Variants in DCLK1 observed in about 807,000 individuals in gnomAD.
The protein encoded by DCLK1 is doublecortin like kinase 1, also known as serine/threonine-protein kinase DCLK1.
DCLK1 carries 16 observed loss-of-function variants against 86.2 expected under a neutral mutation model. The ratio of observed to expected loss-of-function variants is 0.19; its 90% CI spans 0.13 to 0.28. DCLK1 has a LOEUF of 0.28. DCLK1 is among the 10% of genes least tolerant of loss of function. The pLI, the probability that DCLK1 is intolerant of heterozygous loss-of-function variation, is 1.00. For missense variants in DCLK1, 590 were observed against 940.2 expected, an observed-to-expected ratio of 0.63 and a Z score of 4.87; for synonymous variants, 369 against 370.5, an observed-to-expected ratio of 1.00 and a Z score of 0.05.
chr13:36,120,689 G>T (rs142193160), intron 2 of DCLK1, among the ~76,000 whole-genome samples: 2 of 152,076 alleles, frequency 1.3e-5, no homozygotes, highest in African/African-American at 4.8e-5. Flanking sequence ...ACCCTAACCT[G>T]ATAGGAAAAT....
In DCLK1 at chr13:35,847,283, T is replaced by C. The variant is rs1158175194; in HGVS notation, c.1035+7216A>G. 4.1e-6 allele frequency: 4 copies of C among 985,148 alleles called. No individual in the cohort carries two copies. In the African/African-American group the frequency reaches 7.0e-5, roughly 17 times the overall value. The allele number at this position is 985,148 out of a possible 1,614,324, so 61.0% of individuals were successfully genotyped here. On this transcript the variant is annotated intron_variant, in intron 6 of 16. Transcript: ENST00000360631. Reference sequence around the variant, plus strand: ...AGCAAACTGCTTTTTAATTTAAACATGCCCCAACTAATATGTCACAGAGTA... The same window carrying C: ...AGCAAACTGCTTTTTAATTTAAACACGCCCCAACTAATATGTCACAGAGTA...
chr13:36,113,479 A>T (rs1885681086), intron 2 of DCLK1, among the ~76,000 whole-genome samples: 1 of 152,200 alleles, frequency 6.6e-6, no homozygotes. Context: ...CTCAGGATTT[A>T]AGTAAATATC....
At position 36,111,878 on chromosome 13, in the gene DCLK1, A is replaced by G. The variant is rs774453534; in HGVS notation, c.714T>C (p.Asp238=). 4 of 1,610,758 alleles carry G rather than the reference A, an allele frequency of 2.5e-6. No homozygotes were observed. In the East Asian group the frequency reaches 8.9e-5, roughly 36 times the overall value. The change falls in exon 3 of 17, where the codon GAT becomes GAC. Residue 238 remains aspartate (D), a synonymous_variant. Transcript: ENST00000360631. The part of the protein sequence containing the change: ...SGVVKRLYTL[D]GKQVMCLQDF... The stretch of plus-strand genomic sequence containing the variant: ...ACAATATGTCTCTTACCTGTTTCCC[A>G]TCCAACGTGTACAGGCGTTTCACCA...
At chr13:35,865,332 A>G (rs909817956) in intron 5 of DCLK1, among the ~76,000 whole-genome samples, 3 of 152,176 alleles carry the variant, frequency 2.0e-5, no homozygotes, top group Non-Finnish European at 4.4e-5. Context: ...GAAGAATCAA[A>G]CCCATATGAA....
intron 13 of DCLK1, 62 bp downstream of exon 13, chr13:35,808,956 T>G: frequency 6.9e-7 from 1 of 1,457,630 alleles, no homozygotes; most frequent in East Asian, 2.3e-5. Context: ...GAAGGGCTAA[T>G]GGATCACTCA....
chr13:36,126,699 C>G (rs1345989388), intron 1 of DCLK1, among the ~76,000 whole-genome samples: 1 of 152,132 alleles, frequency 6.6e-6, no homozygotes, highest in African/African-American at 2.4e-5. Context: ...ACACAGGCTC[C>G]TCTGCACGCT....
rs1366337792 is a variant in DCLK1, at chr13:35,791,868, CA to C, written c.2058+1497del. 2.6e-5 allele frequency among the ~76,000 whole-genome samples: 4 copies of C among 152,220 alleles called. No homozygotes were observed. In the East Asian group the frequency reaches 7.7e-4, roughly 29 times the overall value. ...GGACAAGCATGCTGGCAGTCCATTC[CA>C]AAAGAAAACTGTGGAATCAAATGTT... On this transcript the variant is annotated intron_variant, in intron 16 of 16. Coordinates refer to ENST00000360631, the MANE Select transcript of DCLK1 (RefSeq NM_001330071.2).
intron 3 of DCLK1, among the ~76,000 whole-genome samples, chr13:36,045,318 A>ATG (rs1190083437): frequency 0.021 from 1,690 of 79,858 alleles, 43 homozygotes; most frequent in African/African-American, 0.046. Flanking sequence ...ATGTCTATAT[A>ATG]TGTGTGTGTG....
At chr13:35,944,345 T>C (rs1877248748) in intron 4 of DCLK1, among the ~76,000 whole-genome samples, 2 of 151,856 alleles carry the variant, frequency 1.3e-5, no homozygotes, top group African/African-American at 4.8e-5. Flanking sequence ...AGGGCAAGAG[T>C]AGTAATTCTG....
At chr13:36,062,350 T>C (rs756624866) in intron 3 of DCLK1, among the ~76,000 whole-genome samples, 2 of 152,152 alleles carry the variant, frequency 1.3e-5, no homozygotes, top group Non-Finnish European at 2.9e-5. Flanking sequence ...CCCTGGAATG[T>C]GCATCATGGG....
chr13:35,786,811 T>C (rs909634583), intron 16 of DCLK1, among the ~76,000 whole-genome samples: 1 of 152,112 alleles, frequency 6.6e-6, no homozygotes, highest in Admixed American at 6.5e-5. Context: ...GCCAATTATG[T>C]AGGTAAATTA....
chr13:35,982,669 G>A (rs942644658), intron 3 of DCLK1, among the ~76,000 whole-genome samples: 7 of 152,138 alleles, frequency 4.6e-5, no homozygotes, highest in South Asian at 4.1e-4. Context: ...ACAATTTTTC[G>A]AAAATCTAAA....
chr13:36,093,270 T>A (rs1884901442), intron 3 of DCLK1, among the ~76,000 whole-genome samples: 1 of 152,202 alleles, frequency 6.6e-6, no homozygotes, highest in Non-Finnish European at 1.5e-5. Flanking sequence ...TCGGTAGGAA[T>A]AAGAAAGTGG....
chr13:35,781,795 CT>C (rs2086530360), intron 16 of DCLK1, among the ~76,000 whole-genome samples: 1 of 152,158 alleles, frequency 6.6e-6, no homozygotes, highest in Admixed American at 6.5e-5. Context: ...CTCAGGAACC[CT>C]TTCTTTTGCT....
At position 35,901,666 on chromosome 13, in the gene DCLK1, G is replaced by T. The variant is rs371965973; in HGVS notation, c.824-30326C>A. Among the ~76,000 whole-genome samples, 116 of 152,060 alleles carry T rather than the reference G, an allele frequency of 7.6e-4. 1 individual carries two copies. The South Asian group carries it at 0.023, about 31-fold the overall frequency. On this transcript the variant is annotated intron_variant, in intron 4 of 16. Transcript: ENST00000360631. ...GTTCTCTTACAGGCCTCCTCTCTTA[G>T]ACCCTGGCCCAGCCTCCTCCACCAG...
At chr13:35,822,929 C>T (rs2087430860) in intron 10 of DCLK1, 54 bp from the exon 11 acceptor site, 1 of 1,599,916 alleles carries the variant, frequency 6.3e-7, no homozygotes, top group Non-Finnish European at 8.5e-7. Context: ...CCAGTGGGGC[C>T]ACCTGCAGAG....
chr13:35,909,929 G>T (rs1348012898), intron 4 of DCLK1, among the ~76,000 whole-genome samples: 1 of 152,092 alleles, frequency 6.6e-6, no homozygotes, highest in African/African-American at 2.4e-5. Flanking sequence ...ATCTTGAAAA[G>T]CTTCTAGCAG....
intron 3 of DCLK1, among the ~76,000 whole-genome samples, chr13:36,031,103 G>C (rs1453086113): frequency 2.0e-5 from 3 of 152,174 alleles, no homozygotes; most frequent in Non-Finnish European, 4.4e-5. Context: ...TCCGTCTCTG[G>C]AGTTTCAGCC....
At chr13:36,056,957 T>C (rs1381212989) in intron 3 of DCLK1, among the ~76,000 whole-genome samples, 1 of 150,466 alleles carries the variant, frequency 6.6e-6, no homozygotes, top group African/African-American at 2.4e-5. Context: ...TCTCCTTTTT[T>C]ACACAAATGG....
Sources: gnomAD v4.1 joint callset for allele counts (sites outside exome capture counted in the v4.1 genomes callset) on GRCh38, gnomAD v4.1.1 for gene constraint, MANE v1.5 for transcripts, NCBI Gene and HGNC (gene_info 2026-07-23, HGNC 2026-07-21) for gene names.